The following CD1B variants were observed in gnomAD, a reference collection of about 807,000 sequenced individuals.
CD1B encodes CD1b molecule.
A neutral mutation model predicts 39.8 loss-of-function variants in CD1B; 43 were observed. The observed-to-expected ratio is 1.08, with a 90% confidence interval of 0.85 to 1.39. CD1B has a LOEUF of 1.39. CD1B is among the 40% of genes most tolerant of loss of function. The probability of loss-of-function intolerance (pLI) is 0.00; values close to 1 mark genes in which losing one functional copy is unlikely to be tolerated. For missense variants in CD1B, 495 were observed against 403.8 expected, an observed-to-expected ratio of 1.23 and a Z score of -1.94; for synonymous variants, 192 against 152.5, an observed-to-expected ratio of 1.26 and a Z score of -1.91.
downstream of CD1B, among the ~76,000 whole-genome samples, chr1:158,326,450 T>C (rs1038876030): frequency 3.9e-5 from 6 of 152,170 alleles, no homozygotes; most frequent in Non-Finnish European, 8.8e-5. Flanking sequence ...TAAAAACGGT[T>C]TATGAAACAT....
At chr1:158,320,920 C>A in the CD1B span, among the ~76,000 whole-genome samples, 2 of 152,092 alleles carry the variant, frequency 1.3e-5, no homozygotes, top group Non-Finnish European at 2.9e-5. Context: ...TTTATTGCAG[C>A]TTAACATAAG....
chr1:158,289,960 A>G, the CD1B span: 10 of 1,010,746 alleles, frequency 9.9e-6, no homozygotes, highest in East Asian at 2.0e-4. Context: ...GATGGGGAAG[A>G]TTGTTGGTAG....
At chr1:158,306,810 C>G in the CD1B span, among the ~76,000 whole-genome samples, 2 of 152,070 alleles carry the variant, frequency 1.3e-5, no homozygotes, top group South Asian at 4.1e-4. Context: ...GGAAACCGAG[C>G]AACCTGCTCC....
the CD1B span, among the ~76,000 whole-genome samples, chr1:158,312,683 GC>G: frequency 6.6e-6 from 1 of 152,074 alleles, no homozygotes; most frequent in Non-Finnish European, 1.5e-5. Context: ...AAATATTACT[GC>G]TTTTTGTATA....
the CD1B span, among the ~76,000 whole-genome samples, chr1:158,320,024 G>C: frequency 6.6e-6 from 1 of 152,238 alleles, no homozygotes; most frequent in East Asian, 1.9e-4. Context: ...CCCGTTCTCA[G>C]ATCTCCAGCT....
the CD1B span, among the ~76,000 whole-genome samples, chr1:158,316,364 G>T: frequency 2.0e-5 from 3 of 151,632 alleles, no homozygotes; most frequent in Admixed American, 6.6e-5. Flanking sequence ...CCTTGAAGAG[G>T]TCCTTCACAT....
the CD1B span, chr1:158,290,268 T>C: frequency 3.0e-6 from 2 of 675,234 alleles, no homozygotes; most frequent in Non-Finnish European, 5.1e-6. Context: ...TTTTGGAGGA[T>C]GGTGGCAGAG....
chr1:158,317,885 A>G, the CD1B span, among the ~76,000 whole-genome samples: 311 of 152,354 alleles, frequency 2.0e-3, no homozygotes, highest in African/African-American at 7.0e-3. Context: ...TTCATTTCAA[A>G]GAACATCTTT....
the CD1B span, among the ~76,000 whole-genome samples, chr1:158,321,825 C>G: frequency 6.6e-6 from 1 of 152,028 alleles, no homozygotes; most frequent in Non-Finnish European, 1.5e-5. Context: ...CATAGGAAAA[C>G]GTGTGCCATG....
At chr1:158,326,932 G>A (rs975362983), downstream of CD1B, among the ~76,000 whole-genome samples, 2 of 152,068 alleles carry the variant, frequency 1.3e-5, no homozygotes, top group Non-Finnish European at 2.9e-5. Flanking sequence ...AAGTAGCTGG[G>A]ACTACAGCCA....
the CD1B span, among the ~76,000 whole-genome samples, chr1:158,318,505 C>A: frequency 6.6e-6 from 1 of 151,380 alleles, no homozygotes; most frequent in Non-Finnish European, 1.5e-5. Context: ...TTTTTGTTTT[C>A]CATTTGCTTG....
chr1:158,329,131 T>A, intron 4 of CD1B, 117 bp from the exon 5 acceptor site: 1 of 991,160 alleles, frequency 1.0e-6, no homozygotes, highest in Non-Finnish European at 1.5e-6. Context: ...CTCTCTCATA[T>A]TCCTGGCCAC....
At chr1:158,321,663 C>A in the CD1B span, among the ~76,000 whole-genome samples, 1 of 152,102 alleles carries the variant, frequency 6.6e-6, no homozygotes, top group Non-Finnish European at 1.5e-5. Flanking sequence ...TGCTGTTTAT[C>A]TTTAGTGTAT....
At chr1:158,324,214 C>T (rs1420534434), downstream of CD1B, among the ~76,000 whole-genome samples, 3 of 152,148 alleles carry the variant, frequency 2.0e-5, no homozygotes, top group East Asian at 5.8e-4. Context: ...CTTTTGTTAA[C>T]AAGGATGTCT....
chr1:158,315,530 T>G, the CD1B span, among the ~76,000 whole-genome samples: 2 of 151,936 alleles, frequency 1.3e-5, no homozygotes, highest in Admixed American at 6.6e-5. Flanking sequence ...TAAATTTGTT[T>G]GAGTTCATTG....
At chr1:158,309,858 C>A in the CD1B span, among the ~76,000 whole-genome samples, 2 of 151,836 alleles carry the variant, frequency 1.3e-5, no homozygotes, top group Non-Finnish European at 2.9e-5. Flanking sequence ...GGAGGGATAG[C>A]ATTAGGAGAT....
chr1:158,301,047 C>T, the CD1B span, among the ~76,000 whole-genome samples: 11 of 151,702 alleles, frequency 7.3e-5, no homozygotes, highest in African/African-American at 1.2e-4. Context: ...TGTGAGCCAC[C>T]GTGCCTTTGT....
chr1:158,289,559 C>G, the CD1B span, among the ~76,000 whole-genome samples: 1 of 151,948 alleles, frequency 6.6e-6, no homozygotes, highest in Admixed American at 6.6e-5. Context: ...AAAGAGAAAA[C>G]TTTGAGGACA....
chr1:158,285,626 A>G, the CD1B span, among the ~76,000 whole-genome samples: 1 of 152,218 alleles, frequency 6.6e-6, no homozygotes, highest in Admixed American at 6.5e-5. Flanking sequence ...GAAGCACAGG[A>G]CAAGTCAAAT....
Sources: allele counts gnomAD v4.1 joint callset (sites outside exome capture counted in the v4.1 genomes callset), GRCh38; gene constraint gnomAD v4.1.1; transcripts MANE v1.5; gene names NCBI Gene and HGNC (gene_info 2026-07-23, HGNC 2026-07-21).